Variants in FAM53B observed in about 807,000 individuals in gnomAD.
FAM53B encodes the protein family with sequence similarity 53 member B.
Under a neutral mutation model 32.7 loss-of-function variants are expected in FAM53B, and 12 were observed. The ratio of observed to expected loss-of-function variants is 0.37; its 90% confidence interval spans 0.24 to 0.59. FAM53B has a LOEUF of 0.59. Among genes scored for constraint, FAM53B ranks in the 20% least tolerant of loss-of-function variants. The pLI is 0.72. For synonymous variants in FAM53B, 234 were observed against 228.7 expected, an observed-to-expected ratio of 1.02 and a Z score of -0.21; for missense variants, 477 against 577.7, an observed-to-expected ratio of 0.83 and a Z score of 1.79.
chr10:124,655,297 G>A (rs1949581790), intron 4 of FAM53B, among the ~76,000 whole-genome samples: 1 of 152,090 alleles, frequency 6.6e-6, no homozygotes, highest in Non-Finnish European at 1.5e-5. Context: ...ACAGCAGGAG[G>A]CCATTCAGAG....
chr10:124,688,738 A>G (rs1949816539), intron 3 of FAM53B, among the ~76,000 whole-genome samples: 1 of 152,224 alleles, frequency 6.6e-6, no homozygotes, highest in Non-Finnish European at 1.5e-5. Context: ...CACAGATCCT[A>G]GAGCTTGAAG....
intron 1 of FAM53B, chr10:124,713,834 A>G (rs978710292): frequency 6.6e-6 from 1 of 152,250 alleles, no homozygotes; most frequent in Non-Finnish European, 1.5e-5. Context: ...AGCCACTGAC[A>G]GTGATTTTCC....
intron 4 of FAM53B, among the ~76,000 whole-genome samples, chr10:124,664,269 A>C (rs535796752): frequency 9.9e-5 from 15 of 152,248 alleles, no homozygotes; most frequent in Admixed American, 9.8e-4. Flanking sequence ...CAGCACCTCC[A>C]TGGAGTCCCT....
In FAM53B at chr10:124,681,633, A is replaced by C; in HGVS notation, c.880T>G (p.Ser294Ala). ...TGTGCCATCTTGGCAAGGTCTAGAGAAGGCCTCTGCTCTTGCACTTCTTCA... is the reference window on the plus strand; with the variant it reads ...TGTGCCATCTTGGCAAGGTCTAGAGCAGGCCTCTGCTCTTGCACTTCTTCA... ...RPEEVQEQRP[S>A]LDLAKMAQNC... The change falls in exon 4 of 5, where the codon TCT becomes GCT. Residue 294 changes from serine (S) to alanine (A), a missense_variant. Ser to Ala is a moderately conservative substitution (Grantham distance 99). Coordinates refer to ENST00000337318, the MANE Select transcript of FAM53B (RefSeq NM_014661.4). 2.5e-6 allele frequency: 4 copies of C among 1,609,360 alleles called. No individual in the cohort carries two copies. Among genetic ancestry groups the C allele is most frequent in the Non-Finnish European group, 3.4e-6 (4 of 1,177,508 alleles).
chr10:124,670,431 C>G (rs1474626726), intron 4 of FAM53B, among the ~76,000 whole-genome samples: 1 of 152,104 alleles, frequency 6.6e-6, no homozygotes, highest in Non-Finnish European at 1.5e-5. Flanking sequence ...CCCTGCGCTC[C>G]AGGCAAAAAG....
intron 4 of FAM53B, among the ~76,000 whole-genome samples, chr10:124,672,490 T>C (rs1435310043): frequency 1.3e-5 from 2 of 152,238 alleles, no homozygotes; most frequent in African/African-American, 4.8e-5. Context: ...CTAGGCTTCA[T>C]TAGGAGAATC....
intron 1 of FAM53B, among the ~76,000 whole-genome samples, chr10:124,739,060 A>C (rs987933646): frequency 1.3e-5 from 2 of 152,060 alleles, no homozygotes; most frequent in Non-Finnish European, 1.5e-5. Flanking sequence ...AAAAAAACAA[A>C]AAACAAAAAA....
chr10:124,669,115 G>A (rs1044233609), intron 4 of FAM53B, among the ~76,000 whole-genome samples: 2 of 152,250 alleles, frequency 1.3e-5, no homozygotes, highest in African/African-American at 4.8e-5. Context: ...GAAGGCAGTG[G>A]CCAAGGGCTC....
intron 3 of FAM53B, among the ~76,000 whole-genome samples, chr10:124,692,571 C>T (rs576263713): frequency 6.7e-4 from 101 of 151,836 alleles, no homozygotes; most frequent in Non-Finnish European, 1.3e-3. Context: ...AAAAATTAGC[C>T]GGGCATGGTG....
intron 4 of FAM53B, among the ~76,000 whole-genome samples, chr10:124,624,930 G>A (rs967288954): frequency 4.6e-5 from 7 of 152,234 alleles, no homozygotes; most frequent in African/African-American, 1.7e-4. Context: ...CGAGGGAAGA[G>A]CTGCGCACAG....
chr10:124,636,872 A>T (rs1339639349), intron 4 of FAM53B, among the ~76,000 whole-genome samples: 2 of 151,558 alleles, frequency 1.3e-5, no homozygotes, highest in African/African-American at 4.9e-5. Flanking sequence ...CCGTGTTTTC[A>T]CACCCACCAA....
chr10:124,657,137 TA>T (rs1371385265), intron 4 of FAM53B, among the ~76,000 whole-genome samples: 3 of 144,718 alleles, frequency 2.1e-5, no homozygotes, highest in Non-Finnish European at 4.6e-5. Context: ...TGTGTGTATA[TA>T]CATATATATG....
intron 4 of FAM53B, among the ~76,000 whole-genome samples, chr10:124,625,195 G>A (rs1248515154): frequency 1.3e-5 from 2 of 152,220 alleles, no homozygotes; most frequent in Non-Finnish European, 2.9e-5. Flanking sequence ...AATAAAAGGC[G>A]CTCTCTCTGG....
chr10:124,649,954 G>A (rs1377197643), intron 4 of FAM53B, among the ~76,000 whole-genome samples: 2 of 151,986 alleles, frequency 1.3e-5, no homozygotes, highest in East Asian at 3.9e-4. Context: ...TGCGGCCCAG[G>A]GCAGTCACTT....
At chr10:124,673,268 A>G (rs1210651270) in intron 4 of FAM53B, among the ~76,000 whole-genome samples, 2 of 152,090 alleles carry the variant, frequency 1.3e-5, no homozygotes, top group South Asian at 2.1e-4. Flanking sequence ...AAGGGGTGCT[A>G]TTGCTCCCCT....
intron 4 of FAM53B, among the ~76,000 whole-genome samples, chr10:124,632,429 G>T (rs1487519993): frequency 6.6e-6 from 1 of 152,232 alleles, no homozygotes; most frequent in Admixed American, 6.5e-5. Context: ...CTGGCGGGGG[G>T]CCGAGGCTAA....
chr10:124,633,163 G>T (rs979376539), intron 4 of FAM53B, among the ~76,000 whole-genome samples: 2 of 150,666 alleles, frequency 1.3e-5, no homozygotes, highest in African/African-American at 4.9e-5. Flanking sequence ...ACAACAATCT[G>T]CTTTCAAGAG....
intron 4 of FAM53B, among the ~76,000 whole-genome samples, chr10:124,650,780 C>G (rs1949551023): frequency 6.6e-6 from 1 of 152,160 alleles, no homozygotes. Context: ...GTCCCCAGCC[C>G]TGCTAGGAGG....
chr10:124,729,504 TTTC>T (rs1475044110), intron 1 of FAM53B, among the ~76,000 whole-genome samples: 4 of 152,320 alleles, frequency 2.6e-5, no homozygotes, highest in South Asian at 2.1e-4. Flanking sequence ...CTTATCTGGT[TTTC>T]TTCTTTTTTC....
Sources: gnomAD v4.1 joint callset for allele counts (sites outside exome capture counted in the v4.1 genomes callset) on GRCh38, gnomAD v4.1.1 for gene constraint, MANE v1.5 for transcripts, NCBI Gene and HGNC (gene_info 2026-07-23, HGNC 2026-07-21) for gene names.